Variants in PIP4K2A observed in about 807,000 individuals in gnomAD.
PIP4K2A encodes phosphatidylinositol 5-phosphate 4-kinase type-2 alpha.
A neutral mutation model predicts 42.9 loss-of-function variants in PIP4K2A; 14 were observed. That is an observed-to-expected ratio of 0.33 (90% CI 0.22 to 0.51). PIP4K2A has a LOEUF of 0.51. Ranked by LOEUF, PIP4K2A falls within the 20% of genes least tolerant of loss-of-function variation. The pLI is 0.97. For synonymous variants in PIP4K2A, 192 were observed against 192.2 expected, an observed-to-expected ratio of 1.00 and a Z score of 0.01; for missense variants, 434 against 519.8, an observed-to-expected ratio of 0.83 and a Z score of 1.61.
chr10:22,663,574 T>G (rs2130837656), intron 1 of PIP4K2A, among the ~76,000 whole-genome samples: 1 of 152,252 alleles, frequency 6.6e-6, no homozygotes, highest in East Asian at 1.9e-4. Context: ...AGTTTGGGGC[T>G]TATATCAGAA....
At chr10:22,586,676 A>G (rs1837402864) in intron 4 of PIP4K2A, among the ~76,000 whole-genome samples, 1 of 152,072 alleles carries the variant, frequency 6.6e-6, no homozygotes, top group African/African-American at 2.4e-5. Context: ...GACTACAGGC[A>G]CGTGCCATCA....
intron 1 of PIP4K2A, among the ~76,000 whole-genome samples, chr10:22,664,078 T>TATATATATACACATATATATATATAC (rs1564459824): frequency 3.0e-5 from 2 of 66,376 alleles, no homozygotes; most frequent in East Asian, 3.2e-4. Flanking sequence ...TATATATACG[T>TATATATATACACATATATATATATAC]ATATATATAT....
intron 3 of PIP4K2A, among the ~76,000 whole-genome samples, chr10:22,601,515 G>C (rs1444453061): frequency 1.3e-5 from 2 of 152,198 alleles, no homozygotes; most frequent in Non-Finnish European, 2.9e-5. Flanking sequence ...CTCTGAGCAG[G>C]GTGGAGTTTC....
chr10:22,552,968 T>A (rs1836449593), intron 6 of PIP4K2A, among the ~76,000 whole-genome samples: 1 of 152,046 alleles, frequency 6.6e-6, no homozygotes, highest in Non-Finnish European at 1.5e-5. Context: ...GCTGGATGTG[T>A]GTTTGTAACA....
intron 9 of PIP4K2A, among the ~76,000 whole-genome samples, chr10:22,537,551 A>T (rs1835968770): frequency 6.6e-6 from 1 of 152,184 alleles, no homozygotes; most frequent in Non-Finnish European, 1.5e-5. Context: ...GTTGCAACTC[A>T]CAAAAAAATC....
intron 7 of PIP4K2A, among the ~76,000 whole-genome samples, chr10:22,547,928 C>T (rs1211917535): frequency 6.6e-6 from 1 of 152,192 alleles, no homozygotes; most frequent in Non-Finnish European, 1.5e-5. Flanking sequence ...ACTAGAACCT[C>T]AGATGAAAAT....
chr10:22,632,934 C>T (rs1838579146), intron 1 of PIP4K2A, among the ~76,000 whole-genome samples: 1 of 151,920 alleles, frequency 6.6e-6, no homozygotes, highest in South Asian at 2.1e-4. Flanking sequence ...CCCTTTTCAT[C>T]CTCAACATTC....
rs775228340 is a variant in PIP4K2A, at chr10:22,704,354, G to A, written c.144+9829C>T. On this transcript the variant is annotated intron_variant, in intron 1 of 9. Coordinates refer to ENST00000376573, the MANE Select transcript of PIP4K2A (RefSeq NM_005028.5). Reference sequence around the variant, plus strand: ...AGCACTGCCAGTGATGCTGACTTGAGCAGTTTCCTAGGTGTGCTGGAGGTG... The same window carrying A: ...AGCACTGCCAGTGATGCTGACTTGAACAGTTTCCTAGGTGTGCTGGAGGTG... 4.6e-5 allele frequency among the ~76,000 whole-genome samples: 7 copies of A among 152,120 alleles called. 1 individual carries two copies. The highest frequency in any genetic ancestry group is 6.3e-3 in the Middle Eastern group (2 of 316).
intron 1 of PIP4K2A, among the ~76,000 whole-genome samples, chr10:22,683,048 GAAAAGA>G (rs1361941583): frequency 1.4e-5 from 2 of 145,976 alleles, no homozygotes; most frequent in South Asian, 2.2e-4. Flanking sequence ...AAGCCAAAAA[GAAAAGA>G]AAAAGAAAAA....
chr10:22,675,970 C>A (rs1839549362), intron 1 of PIP4K2A, among the ~76,000 whole-genome samples: 1 of 152,208 alleles, frequency 6.6e-6, no homozygotes, highest in Admixed American at 6.5e-5. Context: ...TCTCAACAAC[C>A]ATTAACAGGG....
At chr10:22,583,835 A>G (rs4498874) in intron 4 of PIP4K2A, among the ~76,000 whole-genome samples, 138,443 of 152,260 alleles carry the variant, frequency 0.91, 63,128 homozygotes, top group African/African-American at 0.97. Flanking sequence ...CTGAGCGTGT[A>G]CGGTCTGCAG....
intron 3 of PIP4K2A, among the ~76,000 whole-genome samples, chr10:22,596,388 A>C (rs1264645550): frequency 6.6e-6 from 1 of 152,116 alleles, no homozygotes; most frequent in Non-Finnish European, 1.5e-5. Context: ...ACCTGGGCTG[A>C]GATGAAAGAG....
intron 4 of PIP4K2A, among the ~76,000 whole-genome samples, chr10:22,586,463 T>G (rs1270594483): frequency 6.6e-6 from 1 of 152,222 alleles, no homozygotes. Context: ...ATTTCAACAC[T>G]GAGGTGTAGG....
chr10:22,553,852 T>C (rs932843940), intron 6 of PIP4K2A, among the ~76,000 whole-genome samples: 1 of 147,848 alleles, frequency 6.8e-6, no homozygotes, highest in African/African-American at 2.5e-5. Context: ...AAGAACAAGA[T>C]AGGCTGGGCG....
intron 1 of PIP4K2A, among the ~76,000 whole-genome samples, chr10:22,679,035 G>A (rs1839613416): frequency 6.6e-6 from 1 of 152,184 alleles, no homozygotes; most frequent in Non-Finnish European, 1.5e-5. Flanking sequence ...GTTAGGCAAT[G>A]GTTTCTTGGA....
intron 4 of PIP4K2A, among the ~76,000 whole-genome samples, chr10:22,589,160 G>A (rs1242942704): frequency 6.6e-6 from 1 of 152,164 alleles, no homozygotes; most frequent in Non-Finnish European, 1.5e-5. Context: ...CCATTTTTTA[G>A]AACAATATGC....
chr10:22,592,511 C>T (rs1837536934), intron 3 of PIP4K2A, among the ~76,000 whole-genome samples: 1 of 152,182 alleles, frequency 6.6e-6, no homozygotes, highest in Admixed American at 6.5e-5. Context: ...GTCCATCCTC[C>T]ACTCCCTACC....
intron 1 of PIP4K2A, among the ~76,000 whole-genome samples, chr10:22,642,787 G>A (rs1416710402): frequency 6.6e-6 from 1 of 151,956 alleles, no homozygotes; most frequent in African/African-American, 2.4e-5. Context: ...CTGTGGTCCA[G>A]GTAAGAGAAG....
chr10:22,592,655 C>A (rs1467068300), intron 3 of PIP4K2A, among the ~76,000 whole-genome samples: 1 of 152,182 alleles, frequency 6.6e-6, no homozygotes, highest in Non-Finnish European at 1.5e-5. Flanking sequence ...CCCTTCTCCT[C>A]CCATGTGACT....
Sources: gnomAD v4.1 joint callset for allele counts (sites outside exome capture counted in the v4.1 genomes callset) on GRCh38, gnomAD v4.1.1 for gene constraint, MANE v1.5 for transcripts, NCBI Gene and HGNC (gene_info 2026-07-23, HGNC 2026-07-21) for gene names.